CTNND2: variants seen among roughly 807,000 people sequenced by gnomAD.
CTNND2 encodes the protein catenin delta-2.
A neutral mutation model predicts 144.4 loss-of-function variants in CTNND2; 22 were observed. The observed-to-expected ratio is 0.15, with a 90% CI of 0.11 to 0.22. CTNND2 has a LOEUF of 0.22. Ranked by LOEUF, CTNND2 falls within the 10% of genes least tolerant of loss-of-function variation. The pLI is 1.00. For missense variants in CTNND2, 1,353 were observed against 1,618.8 expected (o/e 0.84, Z 2.82); for synonymous variants, 751 against 695.6 (o/e 1.08, Z -1.25).
chr5:11,608,431 A>G (rs1780167371), intron 2 of CTNND2, among the ~76,000 whole-genome samples: 1 of 152,052 alleles, frequency 6.6e-6, no homozygotes, highest in African/African-American at 2.4e-5. Context: ...CATTATTCCC[A>G]TTCCACCACT....
chr5:11,286,374 CTTAAG>C (rs1237280602), intron 9 of CTNND2, among the ~76,000 whole-genome samples: 3 of 152,254 alleles, frequency 2.0e-5, no homozygotes, highest in East Asian at 3.9e-4. Flanking sequence ...CTTCACATGT[CTTAAG>C]TTATTAAAAA....
intron 8 of CTNND2, among the ~76,000 whole-genome samples, chr5:11,352,897 G>A (rs949858893): frequency 6.6e-5 from 10 of 151,876 alleles, no homozygotes; most frequent in African/African-American, 1.2e-4. Flanking sequence ...GTAAATAAGC[G>A]AATTAATAAA....
chr5:11,142,999 C>G (rs1480462064), intron 12 of CTNND2, among the ~76,000 whole-genome samples: 1 of 152,152 alleles, frequency 6.6e-6, no homozygotes, highest in East Asian at 1.9e-4. Context: ...TTAGATGAGG[C>G]AGTGTGTGAT....
chr5:11,793,632 G>A (rs1470323824), intron 1 of CTNND2, among the ~76,000 whole-genome samples: 1 of 152,194 alleles, frequency 6.6e-6, no homozygotes, highest in Non-Finnish European at 1.5e-5. Flanking sequence ...AGAAGCTGGA[G>A]AGAGGCCTGG....
Position 10,972,004 on chromosome 5 carries a change from T to C in CTNND2, c.*1449A>G, listed in dbSNP as rs573924831. 7 of 152,786 alleles carry C rather than the reference T, an allele frequency of 4.6e-5. No individual in the cohort carries two copies. The highest frequency in any genetic ancestry group is 1.7e-4 in the African/African-American group (7 of 41,582). 9.5% of individuals were successfully genotyped at this position (152,786 alleles called of 1,614,324 possible). ...AGCTCTGTTAACCACTATTCTAACG[T>C]TAGCTTCAAGTTCAGTTTTAATAAT... On this transcript the variant is annotated 3_prime_UTR_variant, in exon 22 of 22. Transcript: ENST00000304623.
chr5:11,644,265 C>T (rs1345610640), intron 2 of CTNND2, among the ~76,000 whole-genome samples: 1 of 152,192 alleles, frequency 6.6e-6, no homozygotes, highest in Non-Finnish European at 1.5e-5. Context: ...ACCAACGTGG[C>T]ACTTTATGTA....
At chr5:11,765,215 A>G (rs1352191830) in intron 1 of CTNND2, among the ~76,000 whole-genome samples, 1 of 152,230 alleles carries the variant, frequency 6.6e-6, no homozygotes, top group Non-Finnish European at 1.5e-5. Context: ...CTATAATGAA[A>G]CAAATGTTAA....
At chr5:11,293,595 T>C (rs888250888) in intron 9 of CTNND2, among the ~76,000 whole-genome samples, 2 of 151,684 alleles carry the variant, frequency 1.3e-5, no homozygotes, top group African/African-American at 4.8e-5. Context: ...ATAACAAAAA[T>C]TACATTCTAA....
intron 12 of CTNND2, among the ~76,000 whole-genome samples, chr5:11,141,553 CT>C (rs1252270550): frequency 6.6e-6 from 1 of 152,074 alleles, no homozygotes; most frequent in Non-Finnish European, 1.5e-5. Flanking sequence ...TAAATATTGC[CT>C]TTGAACGGTT....
intron 12 of CTNND2, among the ~76,000 whole-genome samples, chr5:11,125,132 A>G (rs982314419): frequency 4.4e-4 from 67 of 152,140 alleles, no homozygotes; most frequent in African/African-American, 1.5e-3. Flanking sequence ...TTGAGTGCCC[A>G]GGGGTGGGGA....
At chr5:11,337,324 C>T (rs986152332) in intron 9 of CTNND2, among the ~76,000 whole-genome samples, 2 of 152,092 alleles carry the variant, frequency 1.3e-5, no homozygotes, top group African/African-American at 4.8e-5. Context: ...AGCTGACTTC[C>T]AAGAGGTGCC....
intron 2 of CTNND2, among the ~76,000 whole-genome samples, chr5:11,668,326 T>C (rs1329798346): frequency 6.6e-6 from 1 of 152,244 alleles, no homozygotes; most frequent in African/African-American, 2.4e-5. Context: ...TTGATGGGGA[T>C]AGCATTGAAT....
chr5:11,441,852 A>G (rs1764295012), intron 3 of CTNND2, among the ~76,000 whole-genome samples: 1 of 152,096 alleles, frequency 6.6e-6, no homozygotes, highest in South Asian at 2.1e-4. Flanking sequence ...ATTTTCGCCA[A>G]TATGTGCTTC....
intron 2 of CTNND2, among the ~76,000 whole-genome samples, chr5:11,655,119 T>C (rs1561662069): frequency 6.6e-6 from 1 of 152,096 alleles, no homozygotes; most frequent in Admixed American, 6.6e-5. Flanking sequence ...CATTCAAAAT[T>C]TATCATTTTA....
At chr5:11,617,456 T>C (rs1229963036) in intron 2 of CTNND2, among the ~76,000 whole-genome samples, 1 of 152,228 alleles carries the variant, frequency 6.6e-6, no homozygotes, top group Non-Finnish European at 1.5e-5. Context: ...AGCTCATCCA[T>C]CATTCATTCA....
chr5:11,790,262 A>G (rs1791063501), intron 1 of CTNND2, among the ~76,000 whole-genome samples: 1 of 152,166 alleles, frequency 6.6e-6, no homozygotes, highest in African/African-American at 2.4e-5. Context: ...TTCATTTGTC[A>G]GTCTTTCCAT....
chr5:11,716,272 T>C (rs1178883796), intron 2 of CTNND2, among the ~76,000 whole-genome samples: 5 of 152,030 alleles, frequency 3.3e-5, no homozygotes, highest in Non-Finnish European at 7.4e-5. Flanking sequence ...ACAAGAAGAG[T>C]AGCAATTTAG....
chr5:11,689,150 A>C (rs1031781689), intron 2 of CTNND2, among the ~76,000 whole-genome samples: 1 of 152,172 alleles, frequency 6.6e-6, no homozygotes, highest in Non-Finnish European at 1.5e-5. Context: ...CACCAATCCA[A>C]AACTAACCAG....
chr5:11,091,525 G>C (rs1218381132), intron 15 of CTNND2, among the ~76,000 whole-genome samples: 1 of 152,176 alleles, frequency 6.6e-6, no homozygotes, highest in African/African-American at 2.4e-5. Context: ...TTGTATGCCA[G>C]ACATTCTCAA....
Sources: allele counts gnomAD v4.1 joint callset (sites outside exome capture counted in the v4.1 genomes callset), GRCh38; gene constraint gnomAD v4.1.1; transcripts MANE v1.5; gene names NCBI Gene and HGNC (gene_info 2026-07-23, HGNC 2026-07-21).